RIMS1: variants seen among roughly 807,000 people sequenced by gnomAD.
RIMS1 encodes the protein regulating synaptic membrane exocytosis protein 1.
Under a neutral mutation model 214.1 loss-of-function variants are expected in RIMS1, and 83 were observed. The ratio of observed to expected loss-of-function variants is 0.39; its 90% CI spans 0.32 to 0.47. The LOEUF (loss-of-function observed/expected upper bound fraction) is 0.47. RIMS1 is among the 20% of genes least tolerant of loss of function. RIMS1 has a pLI of 0.99. For missense variants in RIMS1, 2,050 were observed against 2,161.8 expected (o/e 0.95, Z 1.03); for synonymous variants, 793 against 786.8 (o/e 1.01, Z -0.13).
At chr6:72,281,223 TA>T (rs2089964889) in intron 23 of RIMS1, among the ~76,000 whole-genome samples, 1 of 152,082 alleles carries the variant, frequency 6.6e-6, no homozygotes, top group Non-Finnish European at 1.5e-5. Flanking sequence ...TTCTTATTCT[TA>T]AAAAGGATAA....
At chr6:72,216,946 C>T in intron 6 of RIMS1, 2 of 1,334,532 alleles carry the variant, frequency 1.5e-6, no homozygotes, top group East Asian at 3.1e-5. Context: ...AATCTGTTCA[C>T]TGCAGAGATC....
chr6:72,267,115 A>C (rs1008116370), intron 22 of RIMS1, among the ~76,000 whole-genome samples: 1 of 152,108 alleles, frequency 6.6e-6, no homozygotes, highest in Admixed American at 6.6e-5. Flanking sequence ...AATAGAAAAA[A>C]GTGAAATTTA....
chr6:72,130,067 C>G (rs769856607), intron 4 of RIMS1, among the ~76,000 whole-genome samples: 1 of 152,012 alleles, frequency 6.6e-6, no homozygotes, highest in Non-Finnish European at 1.5e-5. Flanking sequence ...AGTTAGAAAT[C>G]TCAACCGATT....
intron 4 of RIMS1, among the ~76,000 whole-genome samples, chr6:72,163,357 G>C (rs1016845440): frequency 7.1e-6 from 1 of 140,366 alleles, no homozygotes; most frequent in African/African-American, 2.5e-5. Context: ...AGAGTAGTTT[G>C]ATCATCTGAA....
rs749648250 is a variant in RIMS1, at chr6:72,284,059, G to A, written c.3495G>A (p.Lys1165=). 1.2e-6 allele frequency: 2 copies of A among 1,612,684 alleles called. No individual in the cohort carries two copies. The highest frequency in any genetic ancestry group is 2.7e-5 in the African/African-American group (2 of 74,866). ...TTTCATTCCACAGGCACTCCAGAAA[G>A]TCTGAAAGATCTAGCATCCAAAAAC... ...ASPENDRHSR[K]SERSSIQKQT... The change falls in exon 24 of 34, where the codon AAG becomes AAA. Residue 1165 remains lysine, a synonymous_variant. Coordinates refer to ENST00000521978, the MANE Select transcript of RIMS1 (RefSeq NM_014989.7).
At chr6:72,063,096 G>T (rs765279660) in intron 2 of RIMS1, among the ~76,000 whole-genome samples, 7 of 152,136 alleles carry the variant, frequency 4.6e-5, no homozygotes, top group Non-Finnish European at 1.0e-4. Flanking sequence ...GGAAGATGAA[G>T]AATGAACTTA....
chr6:71,969,475 C>T (rs1448925371), intron 2 of RIMS1, among the ~76,000 whole-genome samples: 1 of 152,236 alleles, frequency 6.6e-6, no homozygotes, highest in African/African-American at 2.4e-5. Flanking sequence ...ATTATCTAAC[C>T]CTCAACATAT....
At chr6:72,128,781 T>C (rs1333908120) in intron 4 of RIMS1, among the ~76,000 whole-genome samples, 2 of 152,212 alleles carry the variant, frequency 1.3e-5, no homozygotes, top group East Asian at 3.8e-4. Context: ...TATCATTACT[T>C]TTACTCCTTA....
At chr6:72,055,603 C>G (rs1825942669) in intron 2 of RIMS1, among the ~76,000 whole-genome samples, 1 of 152,132 alleles carries the variant, frequency 6.6e-6, no homozygotes, top group Non-Finnish European at 1.5e-5. Flanking sequence ...ATGGGATTGC[C>G]TCCAGTTTTT....
At chr6:72,263,946 T>C in intron 19 of RIMS1, 3 of 386,920 alleles carry the variant, frequency 7.8e-6, no homozygotes, top group Non-Finnish European at 1.1e-5. Context: ...TGAGCCAAGA[T>C]CACACCATTG....
intron 2 of RIMS1, among the ~76,000 whole-genome samples, chr6:72,077,988 A>G (rs1218171784): frequency 6.6e-6 from 1 of 152,168 alleles, no homozygotes; most frequent in Non-Finnish European, 1.5e-5. Flanking sequence ...TTATAACACA[A>G]TCCCCCCTTG....
intron 4 of RIMS1, among the ~76,000 whole-genome samples, chr6:72,153,278 A>AT (rs139812956): frequency 0.21 from 32,287 of 151,198 alleles, 4,092 homozygotes; most frequent in Non-Finnish European, 0.27. Flanking sequence ...GGACTGGTTG[A>AT]TTTTTTTTCA....
intron 2 of RIMS1, among the ~76,000 whole-genome samples, chr6:72,003,188 G>A (rs982959924): frequency 2.3e-4 from 35 of 152,222 alleles, no homozygotes; most frequent in African/African-American, 4.6e-4. Flanking sequence ...TGATCTCATC[G>A]ACACCCTGAT....
intron 29 of RIMS1, 105 bp downstream of exon 29, chr6:72,333,940 C>T (rs2096754921): frequency 1.2e-6 from 1 of 820,338 alleles, no homozygotes; most frequent in East Asian, 2.7e-5. Flanking sequence ...TTTGGTTCTT[C>T]TTTGAAAAGA....
At chr6:71,906,237 G>T (rs1775207020) in intron 1 of RIMS1, among the ~76,000 whole-genome samples, 1 of 152,078 alleles carries the variant, frequency 6.6e-6, no homozygotes, top group Non-Finnish European at 1.5e-5. Flanking sequence ...CTAATATGTG[G>T]GCCTTGTTTG....
intron 4 of RIMS1, among the ~76,000 whole-genome samples, chr6:72,174,115 G>C (rs764164578): frequency 6.6e-6 from 1 of 151,974 alleles, no homozygotes; most frequent in Non-Finnish European, 1.5e-5. Context: ...TCTTGGTTAC[G>C]GCCCTCCTCC....
chr6:72,047,627 G>A (rs1823434183), intron 2 of RIMS1, among the ~76,000 whole-genome samples: 1 of 151,196 alleles, frequency 6.6e-6, no homozygotes, highest in Admixed American at 6.7e-5. Flanking sequence ...CAGCTATTTT[G>A]GCCTCATTGG....
intron 24 of RIMS1, 115 bp downstream of exon 24, chr6:72,284,233 C>T (rs535841047): frequency 2.6e-6 from 2 of 772,822 alleles, no homozygotes; most frequent in African/African-American, 3.5e-5. Context: ...TGTTTAAAGG[C>T]ATTCATGTAA....
At chr6:72,283,197 CTT>C (rs201220002) in intron 23 of RIMS1, among the ~76,000 whole-genome samples, 2 of 150,962 alleles carry the variant, frequency 1.3e-5, no homozygotes, top group African/African-American at 2.4e-5. Context: ...GGGTTTCTCT[CTT>C]TTTTTTTGTA....
Sources: allele counts gnomAD v4.1 joint callset (sites outside exome capture counted in the v4.1 genomes callset), GRCh38; gene constraint gnomAD v4.1.1; transcripts MANE v1.5; gene names NCBI Gene and HGNC (gene_info 2026-07-23, HGNC 2026-07-21).